The following EHD2 variants were observed in gnomAD, a reference collection of about 807,000 sequenced individuals.
EHD2 encodes EH domain-containing protein 2.
EHD2 carries 27 observed loss-of-function variants against 41.0 expected under a neutral mutation model. The ratio of observed to expected loss-of-function variants is 0.66; its 90% confidence interval spans 0.49 to 0.91. The LOEUF (loss-of-function observed/expected upper bound fraction) is 0.91, where lower values mean the gene tolerates loss of function less well. Ranked by LOEUF, EHD2 falls within the 40% of genes least tolerant of loss-of-function variation. The probability of loss-of-function intolerance (pLI) is 0.00; values close to 1 mark genes in which losing one functional copy is unlikely to be tolerated. For synonymous variants in EHD2, 342 were observed against 341.0 expected (o/e 1.00, Z -0.03); for missense variants, 673 against 773.9 (o/e 0.87, Z 1.55).
intron 4 of EHD2, among the ~76,000 whole-genome samples, chr19:47,729,190 T>C (rs187373505): frequency 1.3e-5 from 2 of 152,078 alleles, no homozygotes; most frequent in Non-Finnish European, 2.9e-5. Context: ...GCGGGGTAGC[T>C]GGGGCAGGCA....
intron 5 of EHD2, 41 bp downstream of exon 5, chr19:47,736,574 G>A: frequency 1.3e-6 from 2 of 1,532,552 alleles, no homozygotes; most frequent in East Asian, 4.8e-5. Flanking sequence ...GGTGGGTGAT[G>A]GGAAGGTTGG....
In EHD2 at chr19:47,725,987, G is replaced by A; in HGVS notation, c.678G>A (p.Thr226=). ...VVLNKADMVE[T]QQLMRVYGAL... is the part of the protein sequence containing the mutation. ...TCAACAAGGCCGACATGGTGGAGAC[G>A]CAGCAGCTGATGCGCGTCTACGGCG... Residue 226 remains threonine (T), a synonymous_variant, in exon 4 of 6, where the codon ACG becomes ACA. Coordinates refer to ENST00000263277, the MANE Select transcript of EHD2 (RefSeq NM_014601.4). The A allele has an allele frequency of 3.7e-6, 6 of 1,611,162 alleles. No homozygotes were observed. The highest frequency in any genetic ancestry group is 2.2e-5 in the East Asian group (1 of 44,750).
chr19:47,716,469 C>T, intron 1 of EHD2, 89 bp from the exon 2 acceptor site: 1 of 853,008 alleles, frequency 1.2e-6, no homozygotes, highest in South Asian at 2.4e-5. Flanking sequence ...CTCCTCCACC[C>T]ATCCTGTCAC....
chr19:47,734,517 T>G (rs1207220715), intron 4 of EHD2, among the ~76,000 whole-genome samples: 1 of 150,176 alleles, frequency 6.7e-6, no homozygotes, highest in African/African-American at 2.5e-5. Context: ...TTTGGGAGGC[T>G]GAGGCAGGCA....
chr19:47,727,230 G>A (rs1599894713), intron 4 of EHD2, among the ~76,000 whole-genome samples: 1 of 151,836 alleles, frequency 6.6e-6, no homozygotes, highest in Admixed American at 6.6e-5. Context: ...TCAGCCTCCC[G>A]AGTAGCTGGG....
chr19:47,734,145 C>A (rs905308703), intron 4 of EHD2, among the ~76,000 whole-genome samples: 1 of 152,040 alleles, frequency 6.6e-6, no homozygotes, highest in Non-Finnish European at 1.5e-5. Flanking sequence ...CTCGAATGGA[C>A]ATGGTGGCCA....
In EHD2 at chr19:47,716,877, G is replaced by A. The variant is rs1232891136; in HGVS notation, c.265G>A (p.Gly89Arg). 3 of 1,612,508 alleles carry A rather than the reference G, an allele frequency of 1.9e-6. No individual in the cohort carries two copies. Among genetic ancestry groups the A allele is most frequent in the Non-Finnish European group, 2.5e-6 (3 of 1,179,602 alleles). ...LEQEVPGSRV[G>R]PEPTTDCFVA... ...GCAGGAGGTGCCCGGCTCCCGCGTG[G>A]GGCCTGAGCCCACCACCGACTGCTT... Residue 89 changes from glycine to arginine, a missense_variant, in exon 2 of 6, where the codon GGG becomes AGG. By Grantham distance (125) the Gly-to-Arg change is moderately radical. Coordinates refer to ENST00000263277, the MANE Select transcript of EHD2 (RefSeq NM_014601.4).
chr19:47,731,154 A>G (rs1413513514), intron 4 of EHD2, among the ~76,000 whole-genome samples: 3 of 150,388 alleles, frequency 2.0e-5, no homozygotes, highest in Middle Eastern at 3.4e-3. Context: ...ATGTGTTTGA[A>G]CTGAGAGCCT....
chr19:47,737,399 G>A (rs1599903092), intron 5 of EHD2, among the ~76,000 whole-genome samples: 1 of 151,932 alleles, frequency 6.6e-6, no homozygotes, highest in Non-Finnish European at 1.5e-5. Flanking sequence ...GCTCATGCCT[G>A]TAATCCCAGC....
At chr19:47,718,273 CAAAAAA>C (rs58873230) in intron 2 of EHD2, among the ~76,000 whole-genome samples, 2 of 91,944 alleles carry the variant, frequency 2.2e-5, no homozygotes, top group Non-Finnish European at 4.3e-5. Flanking sequence ...AACTCTGTCT[CAAAAAA>C]AAAAAAAAAA....
chr19:47,731,779 T>C (rs1966879278), intron 4 of EHD2, among the ~76,000 whole-genome samples: 1 of 146,474 alleles, frequency 6.8e-6, no homozygotes, highest in African/African-American at 2.5e-5. Flanking sequence ...TTTCCAGATA[T>C]ACTGCATTTT....
chr19:47,742,128 CTTCCTTCCTTCCTTCTTTTCT>C lies in EHD2; in HGVS notation c.*716_*736del, dbSNP rs952555780. ...AATTCTGCCCACACCCATTTATTTC[CTTCCTTCCTTCCTTCTTTTCT>C]TTCCTTCCTTCCTTCTTTTTTGTTT... On this transcript the variant is annotated 3_prime_UTR_variant, in exon 6 of 6. Coordinates refer to ENST00000263277, the MANE Select transcript of EHD2 (RefSeq NM_014601.4). The C allele has an allele frequency of 1.2e-5, 4 of 325,488 alleles. No homozygotes were observed. Among genetic ancestry groups the C allele is most frequent in the Non-Finnish European group, 2.3e-5 (4 of 171,956 alleles). 20.2% of individuals were successfully genotyped at this position (325,488 alleles called of 1,614,324 possible). A position where few individuals can be genotyped will look rare whatever the true frequency, so the allele number is the denominator to read the frequency against.
chr19:47,722,055 C>G (rs1329527380), intron 3 of EHD2, among the ~76,000 whole-genome samples: 1 of 128,598 alleles, frequency 7.8e-6, no homozygotes, highest in African/African-American at 3.4e-5. Flanking sequence ...CACACACACA[C>G]ACTGGGAATA....
intron 5 of EHD2, among the ~76,000 whole-genome samples, chr19:47,737,103 C>T (rs1463114945): frequency 2.0e-5 from 3 of 151,544 alleles, no homozygotes; most frequent in African/African-American, 4.8e-5. Context: ...TGGTGGTGGG[C>T]GCCTGTAGTC....
rs151150856 is a variant in EHD2, at chr19:47,737,853, C to T, written c.1080+1320C>T. ...CCTCTAGAGTAGCTGGGACTACAGGCACATGCCACCATGCCTGGCTAGCTT... is the reference window on the plus strand; with the variant it reads ...CCTCTAGAGTAGCTGGGACTACAGGTACATGCCACCATGCCTGGCTAGCTT... On this transcript the variant is annotated intron_variant, in intron 5 of 5. Transcript: ENST00000263277. Among the ~76,000 whole-genome samples, 757 of 149,680 alleles carry T rather than the reference C, an allele frequency of 5.1e-3. 8 individuals carry two copies. The highest frequency in any genetic ancestry group is 0.018 in the African/African-American group (718 of 40,740).
At chr19:47,726,552 C>T (rs185264922) in intron 4 of EHD2, among the ~76,000 whole-genome samples, 2 of 147,192 alleles carry the variant, frequency 1.4e-5, no homozygotes, top group African/African-American at 5.0e-5. Flanking sequence ...TCCTCTTCTT[C>T]TCCCTCCTCC....
intron 5 of EHD2, among the ~76,000 whole-genome samples, chr19:47,737,731 AT>A (rs1966940291): frequency 6.6e-6 from 1 of 151,792 alleles, no homozygotes; most frequent in Non-Finnish European, 1.5e-5. Flanking sequence ...TTATTTATAT[AT>A]TTTTCAGAGA....
chr19:47,721,162 GGGGTGT>G (rs1158851248), intron 3 of EHD2, among the ~76,000 whole-genome samples: 9,313 of 138,162 alleles, frequency 0.067, 757 homozygotes, highest in African/African-American at 0.23. Flanking sequence ...TGTGCTACTG[GGGGTGT>G]GTGTGTGTGT....
chr19:47,738,383 A>G (rs1388015269), intron 5 of EHD2, among the ~76,000 whole-genome samples: 2 of 151,108 alleles, frequency 1.3e-5, no homozygotes, highest in Non-Finnish European at 3.0e-5. Flanking sequence ...ACTCACTACA[A>G]CCTCTGCCTC....
Sources: gnomAD v4.1 joint callset for allele counts (sites outside exome capture counted in the v4.1 genomes callset) on GRCh38, gnomAD v4.1.1 for gene constraint, MANE v1.5 for transcripts, NCBI Gene and HGNC (gene_info 2026-07-23, HGNC 2026-07-21) for gene names.